CCNB3: variants seen among roughly 807,000 people sequenced by gnomAD.
CCNB3 encodes the protein cyclin B3, also known as G2/mitotic-specific cyclin-B3.
In CCNB3, 12 loss-of-function variants were observed where a neutral mutation model predicts 68.0. The ratio of observed to expected loss-of-function variants is 0.18; its 90% CI spans 0.11 to 0.29. The LOEUF is 0.29. Among genes scored for constraint, CCNB3 ranks in the 10% least tolerant of loss-of-function variants. The pLI is 1.00. For synonymous variants in CCNB3, 354 were observed against 388.9 expected (o/e 0.91, Z 1.06); for missense variants, 904 against 993.1 (o/e 0.91, Z 1.21).
At chrX:50,297,835 A>G (rs187494531) in intron 5 of CCNB3, among the ~76,000 whole-genome samples, 2,105 of 110,919 alleles carry the variant, frequency 0.019, 27 homozygotes, top group Non-Finnish European at 0.028. Flanking sequence ...TCTTCTTGAA[A>G]AGGTCCTTCA....
At chrX:50,300,114 G>C (rs1557212208) in intron 5 of CCNB3, among the ~76,000 whole-genome samples, 1 of 111,442 alleles carries the variant, frequency 9.0e-6, no homozygotes, top group African/African-American at 3.3e-5. Flanking sequence ...CTTTTAATTG[G>C]AGCATTTACC....
At chrX:50,280,420 G>T (rs1228840056) in intron 1 of CCNB3, among the ~76,000 whole-genome samples, 1 of 108,041 alleles carries the variant, frequency 9.3e-6, no homozygotes, top group Admixed American at 1.0e-4. Flanking sequence ...GAGATATTGA[G>T]CTATTAGCAA....
chrX:50,295,434 A>G (rs1458442141), intron 5 of CCNB3, among the ~76,000 whole-genome samples: 1 of 111,253 alleles, frequency 9.0e-6, no homozygotes, highest in Non-Finnish European at 1.9e-5. Flanking sequence ...TAGAGCAAAA[A>G]CATGTGGTTT....
chrX:50,327,586 TG>T (rs1311057571), intron 8 of CCNB3, among the ~76,000 whole-genome samples: 1 of 112,675 alleles, frequency 8.9e-6, no homozygotes, highest in Non-Finnish European at 1.9e-5. Flanking sequence ...GCACTAGCTA[TG>T]GCATTTGCTC....
intron 5 of CCNB3, among the ~76,000 whole-genome samples, chrX:50,303,382 G>A (rs1460088718): frequency 9.1e-6 from 1 of 110,293 alleles, no homozygotes; most frequent in Non-Finnish European, 1.9e-5. Flanking sequence ...CTGACCTCAG[G>A]TGATCTGCCT....
chrX:50,318,576 T>C lies in CCNB3; in HGVS notation c.3516+4628T>C, dbSNP rs782628415. Reference sequence around the variant, plus strand: ...TTTAGCTATTCTAGTTCCTTTGCCTTTCTATGTAAATTTTAGAATCAGATT... The same window carrying C: ...TTTAGCTATTCTAGTTCCTTTGCCTCTCTATGTAAATTTTAGAATCAGATT... On this transcript the variant is annotated intron_variant, in intron 8 of 12. Coordinates refer to ENST00000376042, the MANE Select transcript of CCNB3 (RefSeq NM_033031.3). 1.2e-4 allele frequency among the ~76,000 whole-genome samples: 13 copies of C among 112,302 alleles called. No homozygotes were observed. In the East Asian group the frequency reaches 3.3e-3, roughly 29 times the overall value.
intron 8 of CCNB3, among the ~76,000 whole-genome samples, chrX:50,318,807 C>T (rs1557216204): frequency 9.0e-6 from 1 of 111,574 alleles, no homozygotes; most frequent in African/African-American, 3.3e-5. Flanking sequence ...GCTTACTGTG[C>T]TTAAACTCTT....
At chrX:50,213,863 T>C (rs1283872301) in intron 1 of CCNB3, among the ~76,000 whole-genome samples, 2 of 111,387 alleles carry the variant, frequency 1.8e-5, no homozygotes, top group Non-Finnish European at 3.8e-5. Context: ...GTTTTATTTC[T>C]TTTAAAAAAA....
At chrX:50,335,680 C>T (rs1341437512) in intron 8 of CCNB3, among the ~76,000 whole-genome samples, 6 of 111,685 alleles carry the variant, frequency 5.4e-5, no homozygotes, top group Admixed American at 2.8e-4. Flanking sequence ...TCGGGGCCAT[C>T]GCTTAGCTAG....
At chrX:50,322,795 G>A (rs1226368936) in intron 8 of CCNB3, among the ~76,000 whole-genome samples, 1 of 111,779 alleles carries the variant, frequency 8.9e-6, no homozygotes, top group East Asian at 2.8e-4. Context: ...AGACATTTAT[G>A]CAGCCAAAAA....
At chrX:50,305,708 T>TG (rs1212083077) in intron 5 of CCNB3, among the ~76,000 whole-genome samples, 1 of 109,805 alleles carries the variant, frequency 9.1e-6, no homozygotes, top group African/African-American at 3.3e-5. Context: ...CTGGGATTCT[T>TG]GTACAAATTG....
intron 5 of CCNB3, among the ~76,000 whole-genome samples, chrX:50,305,206 A>G (rs782246230): frequency 4.5e-4 from 50 of 112,110 alleles, no homozygotes; most frequent in Non-Finnish European, 7.1e-4. Context: ...ACATGCACAT[A>G]TATATTTATT....
chrX:50,290,827 C>T (rs1557210015), intron 4 of CCNB3, among the ~76,000 whole-genome samples: 3 of 111,458 alleles, frequency 2.7e-5, no homozygotes, highest in African/African-American at 3.3e-5. Context: ...TTACCGTTTG[C>T]GCTCAAGTTC....
chrX:50,314,000 G>A (rs781880081), intron 8 of CCNB3, 52 bp downstream of exon 8: 1 of 948,584 alleles, frequency 1.1e-6, no homozygotes. Flanking sequence ...TTCTCATTCA[G>A]GGCTGCCAGG....
At chrX:50,290,786 T>C (rs1936334985) in intron 4 of CCNB3, among the ~76,000 whole-genome samples, 1 of 111,690 alleles carries the variant, frequency 9.0e-6, no homozygotes, top group African/African-American at 3.2e-5. Context: ...GAGTCTCTGC[T>C]TCTAGCTCTC....
intron 8 of CCNB3, among the ~76,000 whole-genome samples, chrX:50,322,179 A>G (rs782659173): frequency 1.8e-5 from 2 of 109,184 alleles, no homozygotes; most frequent in South Asian, 8.3e-4. Context: ...CTATACTACA[A>G]GGCCACAGTA....
At chrX:50,228,853 T>A (rs1388491916) in intron 1 of CCNB3, among the ~76,000 whole-genome samples, 1 of 73,675 alleles carries the variant, frequency 1.4e-5, no homozygotes, top group East Asian at 4.0e-4. Flanking sequence ...ATAGAATATA[T>A]ATCTAGAATA....
At chrX:50,325,552 T>G (rs1471132211) in intron 8 of CCNB3, among the ~76,000 whole-genome samples, 2 of 112,322 alleles carry the variant, frequency 1.8e-5, no homozygotes, top group Non-Finnish European at 3.8e-5. Context: ...CTGGTACAGC[T>G]GAACCCTGAT....
At chrX:50,302,227 A>G (rs1365896577) in intron 5 of CCNB3, among the ~76,000 whole-genome samples, 1 of 111,804 alleles carries the variant, frequency 8.9e-6, no homozygotes, top group Admixed American at 9.4e-5. Context: ...TGCGTTGCTC[A>G]TGCTGGGAGC....
Sources: allele counts gnomAD v4.1 joint callset (sites outside exome capture counted in the v4.1 genomes callset), GRCh38; gene constraint gnomAD v4.1.1; transcripts MANE v1.5; gene names NCBI Gene and HGNC (gene_info 2026-07-23, HGNC 2026-07-21).